The following PDE4D variants were observed in gnomAD, a reference collection of about 807,000 sequenced individuals.
PDE4D encodes the protein phosphodiesterase 4D, also known as 3',5'-cyclic-AMP phosphodiesterase 4D.
Under a neutral mutation model 87.4 loss-of-function variants are expected in PDE4D, and 24 were observed. The ratio of observed to expected loss-of-function variants is 0.27; its 90% CI spans 0.20 to 0.39. The LOEUF (loss-of-function observed/expected upper bound fraction) is 0.39. Among genes scored for constraint, PDE4D ranks in the 10% least tolerant of loss-of-function variants. The probability of loss-of-function intolerance (pLI) is 1.00; values close to 1 mark genes in which losing one functional copy is unlikely to be tolerated. For missense variants in PDE4D, 714 were observed against 1,041.0 expected, an observed-to-expected ratio of 0.69 and a Z score of 4.32; for synonymous variants, 384 against 383.2, an observed-to-expected ratio of 1.00 and a Z score of -0.02.
chr5:59,287,284 C>T (rs1041360799), intron 1 of PDE4D, among the ~76,000 whole-genome samples: 4 of 152,052 alleles, frequency 2.6e-5, no homozygotes, highest in East Asian at 1.9e-4. Flanking sequence ...CAGTACTTGT[C>T]GCAGGCCTGG....
chr5:59,723,581 G>A (rs1227474300), intron 1 of PDE4D, among the ~76,000 whole-genome samples: 1 of 152,102 alleles, frequency 6.6e-6, no homozygotes, highest in Non-Finnish European at 1.5e-5. Flanking sequence ...AAACGGATAT[G>A]GAAAATGGAT....
At chr5:60,381,133 ATAGTT>A (rs1272943408) in intron 1 of PDE4D, among the ~76,000 whole-genome samples, 3 of 152,282 alleles carry the variant, frequency 2.0e-5, no homozygotes, top group African/African-American at 7.2e-5. Context: ...GTTTGATCAG[ATAGTT>A]TATGCTAACA....
At chr5:60,239,901 C>T (rs1746883155) in intron 1 of PDE4D, among the ~76,000 whole-genome samples, 1 of 152,040 alleles carries the variant, frequency 6.6e-6, no homozygotes, top group Non-Finnish European at 1.5e-5. Flanking sequence ...TCTCTCTTTT[C>T]TATCTACCTT....
chr5:59,043,246 G>A (rs759932925), intron 5 of PDE4D, among the ~76,000 whole-genome samples: 8 of 152,146 alleles, frequency 5.3e-5, no homozygotes, highest in African/African-American at 7.2e-5. Flanking sequence ...AGCTGAGGTC[G>A]GGCACAGTGG....
chr5:59,487,276 C>A, intron 1 of PDE4D, among the ~76,000 whole-genome samples: 1 of 151,972 alleles, frequency 6.6e-6, no homozygotes, highest in East Asian at 1.9e-4. Flanking sequence ...GAAAGGTGAG[C>A]GAAACTTCTA....
chr5:59,455,682 G>A (rs182909105), intron 1 of PDE4D, among the ~76,000 whole-genome samples: 9 of 152,244 alleles, frequency 5.9e-5, no homozygotes, highest in African/African-American at 1.2e-4. Context: ...GACAGTTTGC[G>A]CCATGTGTGG....
At chr5:60,111,640 A>G (rs926770594) in intron 2 of PDE4D, among the ~76,000 whole-genome samples, 1 of 151,968 alleles carries the variant, frequency 6.6e-6, no homozygotes, top group Non-Finnish European at 1.5e-5. Flanking sequence ...TAAATTTTAT[A>G]TATTTCACTC....
At chr5:59,215,604 G>A in intron 2 of PDE4D, 173 bp downstream of exon 2, 1 of 584,612 alleles carries the variant, frequency 1.7e-6, no homozygotes, top group Non-Finnish European at 3.1e-6. Context: ...AAGAGTGACA[G>A]TGCACTCAGG....
At chr5:59,804,723 C>T (rs1275746310) in intron 1 of PDE4D, among the ~76,000 whole-genome samples, 1 of 152,136 alleles carries the variant, frequency 6.6e-6, no homozygotes, top group Non-Finnish European at 1.5e-5. Flanking sequence ...GGAAATCCCC[C>T]TTGTTTTTGG....
intron 2 of PDE4D, among the ~76,000 whole-genome samples, chr5:60,109,452 G>A (rs1283019333): frequency 2.7e-5 from 4 of 150,820 alleles, no homozygotes; most frequent in Admixed American, 6.6e-5. Context: ...AGTCAGTGTG[G>A]CGATTCCTCA....
chr5:59,349,089 G>C (rs147390127), intron 1 of PDE4D, among the ~76,000 whole-genome samples: 47 of 152,100 alleles, frequency 3.1e-4, no homozygotes, highest in African/African-American at 1.1e-3. Flanking sequence ...TCTAAAATAA[G>C]TAAATAAAAT....
At chr5:60,012,083 C>G (rs531570543) in intron 2 of PDE4D, among the ~76,000 whole-genome samples, 1 of 151,756 alleles carries the variant, frequency 6.6e-6, no homozygotes, top group East Asian at 1.9e-4. Flanking sequence ...GACTCACTGC[C>G]AAGAATCTCA....
Position 59,156,221 on chromosome 5 carries a change from G to A in PDE4D, c.808+24374C>T, listed in dbSNP as rs145432221. Among the ~76,000 whole-genome samples the A allele has an allele frequency of 4.0e-5, 6 of 151,670 alleles. No homozygotes were observed. The South Asian group carries it at 6.3e-4, about 16-fold the overall frequency. On this transcript the variant is annotated intron_variant, in intron 5 of 14. Coordinates refer to ENST00000340635, the MANE Select transcript of PDE4D (RefSeq NM_001104631.2). ...AGGAGGACAGGATGGCAAGAGATTCGAGAGAGACTGGGCAGGCCAGAGGGA... is the reference window on the plus strand; with the variant it reads ...AGGAGGACAGGATGGCAAGAGATTCAAGAGAGACTGGGCAGGCCAGAGGGA...
At chr5:59,554,232 A>T (rs1018654224) in intron 1 of PDE4D, among the ~76,000 whole-genome samples, 1 of 152,176 alleles carries the variant, frequency 6.6e-6, no homozygotes, top group Non-Finnish European at 1.5e-5. Context: ...GAAAATAATG[A>T]TTAACTTTTT....
intron 2 of PDE4D, among the ~76,000 whole-genome samples, chr5:60,015,752 T>C (rs1024332389): frequency 1.3e-5 from 2 of 152,176 alleles, no homozygotes; most frequent in African/African-American, 4.8e-5. Context: ...ACAACTGATG[T>C]TCTCAAAGGA....
chr5:60,123,916 C>A (rs1307595010), intron 2 of PDE4D, among the ~76,000 whole-genome samples: 1 of 152,100 alleles, frequency 6.6e-6, no homozygotes, highest in Non-Finnish European at 1.5e-5. Flanking sequence ...CCAAATAATA[C>A]TGCATGGAAA....
At chr5:59,680,459 TAGAAAC>T (rs768795354) in intron 1 of PDE4D, among the ~76,000 whole-genome samples, 2 of 152,116 alleles carry the variant, frequency 1.3e-5, no homozygotes, top group Non-Finnish European at 2.9e-5. Context: ...ATTTTAAACA[TAGAAAC>T]AGAAAATATC....
At chr5:59,812,439 G>A (rs774175527) in intron 1 of PDE4D, among the ~76,000 whole-genome samples, 4 of 152,080 alleles carry the variant, frequency 2.6e-5, no homozygotes, top group Admixed American at 6.6e-5. Context: ...TTGGGAGGCC[G>A]AGGCAGACGG....
chr5:60,106,490 C>T (rs1483967987), intron 2 of PDE4D, among the ~76,000 whole-genome samples: 1 of 152,072 alleles, frequency 6.6e-6, no homozygotes, highest in Admixed American at 6.6e-5. Context: ...ATTGAACTCA[C>T]CTTTGCACCA....
Sources: gnomAD v4.1 joint callset for allele counts (sites outside exome capture counted in the v4.1 genomes callset) on GRCh38, gnomAD v4.1.1 for gene constraint, MANE v1.5 for transcripts, NCBI Gene and HGNC (gene_info 2026-07-23, HGNC 2026-07-21) for gene names.